Variants in PTPN14 observed in about 807,000 individuals in gnomAD.
PTPN14 encodes protein tyrosine phosphatase non-receptor type 14, also known as tyrosine-protein phosphatase non-receptor type 14.
In PTPN14, 53 loss-of-function variants were observed where a neutral mutation model predicts 126.8. The observed-to-expected ratio is 0.42, with a 90% CI of 0.34 to 0.53. The LOEUF (loss-of-function observed/expected upper bound fraction) is 0.53. PTPN14 is among the 20% of genes least tolerant of loss of function. The probability of loss-of-function intolerance (pLI) is 0.08; values close to 1 mark genes in which losing one functional copy is unlikely to be tolerated. For missense variants in PTPN14, 1,257 were observed against 1,552.9 expected, an observed-to-expected ratio of 0.81 and a Z score of 3.20; for synonymous variants, 630 against 599.3, an observed-to-expected ratio of 1.05 and a Z score of -0.75.
At chr1:214,482,184 T>A (rs1257132342) in intron 1 of PTPN14, among the ~76,000 whole-genome samples, 2 of 151,856 alleles carry the variant, frequency 1.3e-5, no homozygotes, top group Non-Finnish European at 2.9e-5. Context: ...GACCATCCCT[T>A]GATAGCTCAT....
intron 1 of PTPN14, among the ~76,000 whole-genome samples, chr1:214,524,141 C>T (rs1037037158): frequency 1.9e-4 from 29 of 152,078 alleles, no homozygotes; most frequent in African/African-American, 6.7e-4. Context: ...TGAGCCACCA[C>T]GTCTGGCTGA....
Position 214,384,049 on chromosome 1 carries a change from C to A in PTPN14, c.1806G>T (p.Val602=). 1 of 1,588,342 alleles carries A rather than the reference C, an allele frequency of 6.3e-7. No individual in the cohort carries two copies. Residue 602 remains valine, a synonymous_variant, in exon 13 of 19, where the codon GTG becomes GTT. Transcript: ENST00000366956. This position sits in a 1 kb window ranked among gnomAD's most constrained non-coding sequence, Gnocchi z 5.3. ...GSSPDLVTRK[V]QLSVKTFQED... ...CTTGGAAGGTCTTCACCGAGAGCTGCACCTTCCGGGTCACCAGGTCCGGGC... is the reference window on the plus strand; with the variant it reads ...CTTGGAAGGTCTTCACCGAGAGCTGAACCTTCCGGGTCACCAGGTCCGGGC...
chr1:214,393,513 C>T (rs754403112), intron 10 of PTPN14, among the ~76,000 whole-genome samples, 182 bp downstream of exon 10: 83 of 152,266 alleles, frequency 5.5e-4, no homozygotes, highest in African/African-American at 1.8e-3. Flanking sequence ...GGCATATGCA[C>T]GACACTAGAC....
chr1:214,499,729 A>G (rs527497495), intron 1 of PTPN14, among the ~76,000 whole-genome samples: 1 of 152,248 alleles, frequency 6.6e-6, no homozygotes, highest in South Asian at 2.1e-4. Flanking sequence ...TAGGCTATCA[A>G]ATGAATGCTC....
At chr1:214,532,891 GC>G in intron 1 of PTPN14, 3 of 1,022,934 alleles carry the variant, frequency 2.9e-6, no homozygotes, top group Non-Finnish European at 4.6e-6. Context: ...GGAGGTTGAT[GC>G]CCCCAAATCT....
rs1220927025 is a variant in PTPN14 at position 214,414,594 on chromosome 1, T to C, written c.442+35A>G. ...AGCAACACCATGATCAAACAGAAAA[T>C]GGAATTTCACATGCTGCTCATAACT... On this transcript the variant is annotated intron_variant, in intron 4 of 18. Transcript: ENST00000366956. 2.6e-6 allele frequency: 4 copies of C among 1,564,714 alleles called. No individual in the cohort carries two copies. The South Asian group carries it at 4.5e-5, about 17-fold the overall frequency.
chr1:214,439,618 T>C (rs1323275980), intron 3 of PTPN14, among the ~76,000 whole-genome samples: 1 of 152,202 alleles, frequency 6.6e-6, no homozygotes, highest in Non-Finnish European at 1.5e-5. Context: ...GTTAGGAGGC[T>C]GTAAACCGAA....
At chr1:214,458,813 A>C (rs1660442521) in intron 2 of PTPN14, among the ~76,000 whole-genome samples, 1 of 152,108 alleles carries the variant, frequency 6.6e-6, no homozygotes, top group Non-Finnish European at 1.5e-5. Context: ...TTTCAAACTG[A>C]GATAGGGCTC....
At chr1:214,414,602 C>A in intron 4 of PTPN14, 27 bp downstream of exon 4, 1 of 1,583,384 alleles carries the variant, frequency 6.3e-7, no homozygotes, top group South Asian at 1.1e-5. Flanking sequence ...AATGGAATTT[C>A]ACATGCTGCT....
chr1:214,509,280 T>G (rs1336039100), intron 1 of PTPN14, among the ~76,000 whole-genome samples: 1 of 152,240 alleles, frequency 6.6e-6, no homozygotes, highest in Non-Finnish European at 1.5e-5. Flanking sequence ...TCTGGATAAC[T>G]TGCTGCAGCT....
intron 11 of PTPN14, 118 bp from the exon 12 acceptor site, chr1:214,387,040 G>T: frequency 1.2e-6 from 1 of 844,730 alleles, no homozygotes. Context: ...CGTGGCAGCT[G>T]CTGTCCCTGC....
At position 214,486,220 on chromosome 1, in the gene PTPN14, T is replaced by G. The variant is rs143459214; in HGVS notation, c.-154-21263A>C. Among the ~76,000 whole-genome samples the G allele has an allele frequency of 1.8e-3, 270 of 152,280 alleles. 1 individual carries two copies. Among genetic ancestry groups the G allele is most frequent in the African/African-American group, 6.2e-3 (259 of 41,564 alleles). ...TAGTTACCATCTATGGAGCACTTCC[T>G]CCATACTAAACTGTACATATGTTAT... On this transcript the variant is annotated intron_variant, in intron 1 of 18. Coordinates refer to ENST00000366956, the MANE Select transcript of PTPN14 (RefSeq NM_005401.5).
At chr1:214,530,341 T>G (rs56253402) in intron 1 of PTPN14, 1 of 147,944 alleles carries the variant, frequency 6.8e-6, no homozygotes, top group Admixed American at 6.7e-5. Context: ...TCTTTTCTTT[T>G]TTTTTTTTTT....
chr1:214,478,351 T>C (rs895601465), intron 1 of PTPN14, among the ~76,000 whole-genome samples: 4 of 152,146 alleles, frequency 2.6e-5, no homozygotes, highest in African/African-American at 7.2e-5. Context: ...TGTTACTAAG[T>C]AGGAAAAGTT....
chr1:214,472,567 T>A (rs1209393070), intron 1 of PTPN14, among the ~76,000 whole-genome samples: 1 of 152,216 alleles, frequency 6.6e-6, no homozygotes, highest in East Asian at 1.9e-4. Context: ...GATCACTAGC[T>A]TTTTGACATT....
At position 214,514,308 on chromosome 1, in the gene PTPN14, A is replaced by T. The variant is rs77406898; in HGVS notation, c.-155+36875T>A. 4.0e-3 allele frequency among the ~76,000 whole-genome samples: 602 copies of T among 152,268 alleles called. 8 individuals are homozygous for T. Among genetic ancestry groups the T allele is most frequent in the African/African-American group, 0.014 (572 of 41,554 alleles). Reference sequence around the variant, plus strand: ...TCAAACGCTCTACAAAGATATCATGAAGCCACGACTATGATTTTAAGACAT... The same window carrying T: ...TCAAACGCTCTACAAAGATATCATGTAGCCACGACTATGATTTTAAGACAT... On this transcript the variant is annotated intron_variant, in intron 1 of 18. Coordinates refer to ENST00000366956, the MANE Select transcript of PTPN14 (RefSeq NM_005401.5).
intron 1 of PTPN14, among the ~76,000 whole-genome samples, chr1:214,494,005 G>A (rs1226277701): frequency 6.6e-6 from 1 of 152,152 alleles, no homozygotes; most frequent in Non-Finnish European, 1.5e-5. Flanking sequence ...AGAAATCACT[G>A]GCAGCACTCC....
In PTPN14 at chr1:214,356,944, A is replaced by G. The variant is rs1184636308; in HGVS notation, c.*978T>C. The G allele has an allele frequency of 1.3e-5, 2 of 152,204 alleles. No individual in the cohort carries two copies. The highest frequency in any genetic ancestry group is 2.9e-5 in the Non-Finnish European group (2 of 68,076). The allele number at this position is 152,204 out of a possible 1,614,324, so 9.4% of individuals were successfully genotyped here. ...ACACATCTTATTTAAATAAAAAACA[A>G]TGATCATCAAGGCCCTGCCTGAAAA... On this transcript the variant is annotated 3_prime_UTR_variant, in exon 19 of 19. Transcript: ENST00000366956.
intron 1 of PTPN14, chr1:214,533,219 G>C: frequency 1.5e-6 from 1 of 672,830 alleles, no homozygotes; most frequent in South Asian, 1.5e-5. Flanking sequence ...CTGGCGTCAG[G>C]GCTGGCCCAG....
Sources: gnomAD v4.1 joint callset for allele counts (sites outside exome capture counted in the v4.1 genomes callset) on GRCh38, gnomAD v4.1.1 for gene constraint, Gnocchi (gnomAD v3.1) non-coding constraint, MANE v1.5 for transcripts, NCBI Gene and HGNC (gene_info 2026-07-23, HGNC 2026-07-21) for gene names.